Variants in DENND1B observed in about 807,000 individuals in gnomAD.
The protein encoded by DENND1B is DENN domain containing 1B.
Under a neutral mutation model 90.1 loss-of-function variants are expected in DENND1B, and 59 were observed. The ratio of observed to expected loss-of-function variants is 0.65; its 90% CI spans 0.53 to 0.81. DENND1B has a LOEUF of 0.81. Among genes scored for constraint, DENND1B ranks in the 40% least tolerant of loss-of-function variants. The pLI is 0.00. For missense variants in DENND1B, 862 were observed against 912.6 expected (o/e 0.94, Z 0.71); for synonymous variants, 337 against 324.6 (o/e 1.04, Z -0.41).
chr1:197,530,772 T>C (rs1263463063), intron 20 of DENND1B, among the ~76,000 whole-genome samples: 1 of 152,196 alleles, frequency 6.6e-6, no homozygotes, highest in Non-Finnish European at 1.5e-5. Flanking sequence ...ATATTTTATA[T>C]ACATTATCTA....
At position 197,707,845 on chromosome 1, in the gene DENND1B, C is replaced by T. The variant is rs1188313127; in HGVS notation, c.126+7186G>A. 1.4e-3 allele frequency among the ~76,000 whole-genome samples: 206 copies of T among 147,516 alleles called. 1 individual carries two copies. The highest frequency in any genetic ancestry group is 7.0e-3 in the Middle Eastern group (2 of 286). ...GTTCATCTCACTAGGGAGTGCCAGACAGTGGGCGCAGGCCAGTGTGTGTGC... is the reference window on the plus strand; with the variant it reads ...GTTCATCTCACTAGGGAGTGCCAGATAGTGGGCGCAGGCCAGTGTGTGTGC... On this transcript the variant is annotated intron_variant, in intron 3 of 22. Coordinates refer to ENST00000620048, the MANE Select transcript of DENND1B (RefSeq NM_001195215.2).
At chr1:197,688,253 A>T (rs904660513) in intron 3 of DENND1B, among the ~76,000 whole-genome samples, 3 of 152,146 alleles carry the variant, frequency 2.0e-5, no homozygotes, top group Non-Finnish European at 4.4e-5. Context: ...ACATAAAGCA[A>T]TCTACAGATT....
chr1:197,583,737 G>A (rs1674449911), intron 14 of DENND1B, among the ~76,000 whole-genome samples: 1 of 152,126 alleles, frequency 6.6e-6, no homozygotes, highest in African/African-American at 2.4e-5. Flanking sequence ...AACAATTCAG[G>A]CTGGATACTT....
chr1:197,622,667 C>T (rs1288810564), intron 10 of DENND1B, among the ~76,000 whole-genome samples: 1 of 151,304 alleles, frequency 6.6e-6, no homozygotes. Context: ...ACTAATAAAA[C>T]AGACTCTCCC....
At chr1:197,578,056 C>A (rs6679357) in intron 15 of DENND1B, among the ~76,000 whole-genome samples, 150,688 of 152,354 alleles carry the variant, frequency 0.99, 74,533 homozygotes, top group East Asian at 1. Context: ...TTGGTAGCTT[C>A]TGCTTTGTTG....
chr1:197,629,580 T>A (rs2125893142), intron 10 of DENND1B, among the ~76,000 whole-genome samples: 1 of 151,456 alleles, frequency 6.6e-6, no homozygotes, highest in South Asian at 2.1e-4. Flanking sequence ...TAATGCTAAA[T>A]GATGAGTTAA....
intron 13 of DENND1B, chr1:197,606,182 T>C (rs1278428691): frequency 6.6e-6 from 1 of 151,112 alleles, no homozygotes; most frequent in East Asian, 1.9e-4. Context: ...TACTAAGGAA[T>C]ATGAAGGCCA....
intron 20 of DENND1B, among the ~76,000 whole-genome samples, chr1:197,513,816 A>G (rs1315069173): frequency 1.3e-5 from 2 of 151,494 alleles, no homozygotes; most frequent in African/African-American, 4.8e-5. Flanking sequence ...CAGGGGACTC[A>G]GTTCAACCTT....
chr1:197,656,025 T>C (rs951698782), intron 6 of DENND1B, among the ~76,000 whole-genome samples: 17 of 152,128 alleles, frequency 1.1e-4, no homozygotes, highest in African/African-American at 4.1e-4. Context: ...AAAGTTATTA[T>C]ATGTCATGCT....
rs148175841 is a variant in DENND1B at position 197,725,109 on chromosome 1, T to C, written c.83-10035A>G. ...CTGATAAAAGACACATCTTTAGATT[T>C]GGAAATGACAACAAACCTAAGCAAG... is the stretch of plus-strand genomic sequence containing the variant. On this transcript the variant is annotated intron_variant, in intron 2 of 22. Transcript: ENST00000620048. 1.4e-3 allele frequency among the ~76,000 whole-genome samples: 220 copies of C among 152,276 alleles called. 1 individual carries two copies. Among genetic ancestry groups the C allele is most frequent in the South Asian group, 0.013 (64 of 4,828 alleles).
At chr1:197,726,360 G>A (rs561787393) in intron 2 of DENND1B, among the ~76,000 whole-genome samples, 52 of 152,258 alleles carry the variant, frequency 3.4e-4, no homozygotes, top group African/African-American at 1.2e-3. Flanking sequence ...TTGCAGAACC[G>A]CAACCCAGGC....
chr1:197,669,671 G>C (rs978015944), intron 5 of DENND1B, among the ~76,000 whole-genome samples: 29 of 151,852 alleles, frequency 1.9e-4, no homozygotes, highest in African/African-American at 6.5e-4. Context: ...TAATTTACTA[G>C]GAAAAATAAG....
intron 20 of DENND1B, among the ~76,000 whole-genome samples, chr1:197,516,285 C>T (rs538632704): frequency 7.8e-4 from 118 of 151,800 alleles, no homozygotes; most frequent in Non-Finnish European, 1.4e-3. Flanking sequence ...TAAGCTTCTT[C>T]TAATTAATAG....
rs1159726822 is a variant in DENND1B at position 197,508,182 on chromosome 1, A to T, written c.*2278T>A. On this transcript the variant is annotated 3_prime_UTR_variant, in exon 23 of 23. Coordinates refer to ENST00000620048, the MANE Select transcript of DENND1B (RefSeq NM_001195215.2). Reference sequence around the variant, plus strand: ...GTTGTTTTTCAGACTGAGTTCTGAAAAAAACAAACAAAAAACCATACCTCA... The same window carrying T: ...GTTGTTTTTCAGACTGAGTTCTGAATAAAACAAACAAAAAACCATACCTCA... The T allele has an allele frequency of 1.3e-5, 2 of 151,682 alleles. No homozygotes were observed. Among genetic ancestry groups the T allele is most frequent in the African/African-American group, 4.8e-5 (2 of 41,368 alleles). The allele number at this position is 151,682 out of a possible 1,614,324, so 9.4% of individuals were successfully genotyped here.
chr1:197,765,272 G>A (rs1410129551), intron 2 of DENND1B, among the ~76,000 whole-genome samples: 2 of 152,096 alleles, frequency 1.3e-5, no homozygotes, highest in African/African-American at 4.8e-5. Context: ...TTTGAAAGTG[G>A]GAAAAGTTTT....
chr1:197,781,679 T>G, the DENND1B span, among the ~76,000 whole-genome samples: 1 of 152,226 alleles, frequency 6.6e-6, no homozygotes, highest in Non-Finnish European at 1.5e-5. Flanking sequence ...TTTGCCTTTC[T>G]GAGTTGTTTC....
Position 197,774,324 on chromosome 1 carries a change from C to T in DENND1B, c.17+815G>A, listed in dbSNP as rs150865088. On this transcript the variant is annotated intron_variant, in intron 1 of 22. Transcript: ENST00000620048. ...GGCCTTTCACAATAATACAAATATACATGGCATTATTTTAAACTTTTTGAG... is the reference window on the plus strand; with the variant it reads ...GGCCTTTCACAATAATACAAATATATATGGCATTATTTTAAACTTTTTGAG... Among the ~76,000 whole-genome samples the T allele has an allele frequency of 9.8e-4, 149 of 152,244 alleles. 1 individual carries two copies. The highest frequency in any genetic ancestry group is 3.5e-3 in the African/African-American group (145 of 41,534).
chr1:197,705,861 C>T (rs893351718), intron 3 of DENND1B, among the ~76,000 whole-genome samples: 5 of 151,956 alleles, frequency 3.3e-5, no homozygotes, highest in African/African-American at 1.2e-4. Context: ...CTTTTACATA[C>T]TTAAGATATT....
chr1:197,640,195 G>A (rs571860818), intron 10 of DENND1B, among the ~76,000 whole-genome samples: 44 of 152,200 alleles, frequency 2.9e-4, no homozygotes, highest in Non-Finnish European at 4.9e-4. Flanking sequence ...TGTAGAGGCC[G>A]GGTGCGGTGG....
Sources: allele counts gnomAD v4.1 joint callset (sites outside exome capture counted in the v4.1 genomes callset), GRCh38; gene constraint gnomAD v4.1.1; transcripts MANE v1.5; gene names NCBI Gene and HGNC (gene_info 2026-07-23, HGNC 2026-07-21).